The following NDRG1 variants were observed in gnomAD, a reference collection of about 807,000 sequenced individuals.
NDRG1 encodes N-myc downstream regulated 1, also known as protein NDRG1.
Under a neutral mutation model 56.9 loss-of-function variants are expected in NDRG1, and 32 were observed. The observed-to-expected ratio is 0.56, with a 90% confidence interval of 0.42 to 0.76. The LOEUF is 0.76. NDRG1 is among the 30% of genes least tolerant of loss of function. The pLI is 0.00. For synonymous variants in NDRG1, 211 were observed against 204.1 expected, an observed-to-expected ratio of 1.03 and a Z score of -0.29; for missense variants, 507 against 545.7, an observed-to-expected ratio of 0.93 and a Z score of 0.71.
intron 8 of NDRG1, chr8:133,255,534 G>A (rs973350713): frequency 2.8e-6 from 1 of 354,576 alleles, no homozygotes; most frequent in South Asian, 2.1e-5. Flanking sequence ...TCTCACTCAG[G>A]ACAGCTATCA....
chr8:133,273,880 C>G (rs936348178), intron 3 of NDRG1, among the ~76,000 whole-genome samples: 1 of 152,120 alleles, frequency 6.6e-6, no homozygotes, highest in African/African-American at 2.4e-5. Context: ...AGAAAATAAG[C>G]TGGAACCCAA....
intron 1 of NDRG1, among the ~76,000 whole-genome samples, chr8:133,292,987 CT>C (rs914800884): frequency 6.6e-6 from 1 of 152,248 alleles, no homozygotes; most frequent in Non-Finnish European, 1.5e-5. Context: ...AGTCAAAGAT[CT>C]GGGTCAAAGA....
rs181481538 is a variant in NDRG1 at position 133,289,935 on chromosome 8, G to A, written c.-18-5606C>T. On this transcript the variant is annotated intron_variant, in intron 1 of 15. Coordinates refer to ENST00000323851, the MANE Select transcript of NDRG1 (RefSeq NM_006096.4). ...CATCTGTAAAGTAGGCACAGTGTAC[G>A]TCTATGGAGATCACGCTGTCCACAA... Among the ~76,000 whole-genome samples the A allele has an allele frequency of 3.0e-3, 450 of 152,268 alleles. 3 individuals are homozygous for A. Among genetic ancestry groups the A allele is most frequent in the African/African-American group, 9.9e-3 (412 of 41,546 alleles).
At chr8:133,245,440 G>C (rs1052288844) in intron 13 of NDRG1, among the ~76,000 whole-genome samples, 2 of 152,192 alleles carry the variant, frequency 1.3e-5, no homozygotes, top group African/African-American at 2.4e-5. Context: ...TATTGGATTA[G>C]AGCGGGCCCT....
At chr8:133,241,724 G>T in intron 15 of NDRG1, 1 of 509,572 alleles carries the variant, frequency 2.0e-6, no homozygotes, top group East Asian at 3.4e-5. Context: ...AAATGTTATT[G>T]TTTCACTGTT....
chr8:133,264,704 G>T, intron 3 of NDRG1, 52 bp from the exon 4 acceptor site: 1 of 1,499,870 alleles, frequency 6.7e-7, no homozygotes, highest in Non-Finnish European at 9.3e-7. Flanking sequence ...CATGGCATCC[G>T]CGTGGCTGAA....
At chr8:133,240,500 C>T (rs866291774) in intron 15 of NDRG1, 31 of 152,360 alleles carry the variant, frequency 2.0e-4, no homozygotes, top group Middle Eastern at 3.4e-3. Flanking sequence ...TTCTCACCCA[C>T]AAATCTGGGA....
intron 4 of NDRG1, among the ~76,000 whole-genome samples, chr8:133,263,874 C>T (rs866366540): frequency 1.3e-5 from 2 of 149,614 alleles, no homozygotes; most frequent in Non-Finnish European, 1.5e-5. Flanking sequence ...CACGATCGCA[C>T]CACTGCACTC....
chr8:133,285,104 C>G (rs1409661694), intron 1 of NDRG1, among the ~76,000 whole-genome samples: 1 of 152,118 alleles, frequency 6.6e-6, no homozygotes, highest in Non-Finnish European at 1.5e-5. Flanking sequence ...AAGCACAGCC[C>G]AGGAAGACTT....
chr8:133,243,725 C>T (rs1855508486), intron 14 of NDRG1, among the ~76,000 whole-genome samples: 1 of 152,050 alleles, frequency 6.6e-6, no homozygotes, highest in Admixed American at 6.5e-5. Context: ...AAAAAGATGA[C>T]AAAAAACTCT....
chr8:133,268,714 T>C (rs1276643283), intron 3 of NDRG1, among the ~76,000 whole-genome samples: 1 of 152,112 alleles, frequency 6.6e-6, no homozygotes, highest in Non-Finnish European at 1.5e-5. Context: ...GGATTCGAAC[T>C]CTCTCCGCTG....
At chr8:133,244,209 C>T (rs562591145) in intron 14 of NDRG1, 146 bp downstream of exon 14, 70 of 1,008,888 alleles carry the variant, frequency 6.9e-5, no homozygotes, top group Admixed American at 3.3e-4. Flanking sequence ...TCAGAGTCCT[C>T]CTATATAGCA....
At chr8:133,261,548 T>C (rs1856659446) in intron 5 of NDRG1, among the ~76,000 whole-genome samples, 2 of 152,350 alleles carry the variant, frequency 1.3e-5, no homozygotes, top group South Asian at 4.1e-4. Flanking sequence ...AAGCCCAGTG[T>C]TAGACACAAA....
chr8:133,272,873 T>C (rs1347160674), intron 3 of NDRG1, among the ~76,000 whole-genome samples: 2 of 152,140 alleles, frequency 1.3e-5, no homozygotes, highest in African/African-American at 2.4e-5. Context: ...TCATGGGGCA[T>C]GAAAACAAGA....
At chr8:133,268,726 G>A (rs1298986040) in intron 3 of NDRG1, among the ~76,000 whole-genome samples, 1 of 152,130 alleles carries the variant, frequency 6.6e-6, no homozygotes, top group African/African-American at 2.4e-5. Flanking sequence ...TCTCCGCTGG[G>A]CCCTTGCTCC....
intron 15 of NDRG1, 159 bp from the exon 16 acceptor site, chr8:133,239,278 C>G: frequency 1.7e-6 from 2 of 1,167,620 alleles, no homozygotes; most frequent in Non-Finnish European, 2.4e-6. Context: ...TCTCCATGTC[C>G]ACTCGGAGAG....
intron 14 of NDRG1, among the ~76,000 whole-genome samples, chr8:133,242,926 A>G (rs1418249221): frequency 6.6e-6 from 1 of 152,240 alleles, no homozygotes; most frequent in Admixed American, 6.5e-5. Context: ...TAACTGGGCT[A>G]CTTTAAGTGA....
At chr8:133,241,180 T>TA (rs1300368237) in intron 15 of NDRG1, 1 of 152,194 alleles carries the variant, frequency 6.6e-6, no homozygotes, top group African/African-American at 2.4e-5. Context: ...ACACACGAAT[T>TA]ATAGTTCCAA....
Position 133,242,089 on chromosome 8 carries a change from G to A in NDRG1, c.892-15C>T, listed in dbSNP as rs750558195. 1.2e-6 allele frequency: 2 copies of A among 1,614,094 alleles called. No homozygotes were observed. The highest frequency in any genetic ancestry group is 3.3e-5 in the Admixed American group (2 of 60,014). On this transcript the variant is annotated splice_polypyrimidine_tract_variant and intron_variant, in intron 14 of 15. Coordinates refer to ENST00000323851, the MANE Select transcript of NDRG1 (RefSeq NM_006096.4). The stretch of plus-strand genomic sequence containing the variant: ...AGCTTGGCCGGCTGCGAGAGACAAG[G>A]AGAGAAAATGCAGTCAGTTGCTGGG...
Sources: allele counts gnomAD v4.1 joint callset (sites outside exome capture counted in the v4.1 genomes callset), GRCh38; gene constraint gnomAD v4.1.1; transcripts MANE v1.5; gene names NCBI Gene and HGNC (gene_info 2026-07-23, HGNC 2026-07-21).